The following SOX5 variants were observed in gnomAD, a reference collection of about 807,000 sequenced individuals.
SOX5 encodes transcription factor SOX-5.
In SOX5, 9 loss-of-function variants were observed where a neutral mutation model predicts 92.0. That is an observed-to-expected ratio of 0.10 (90% CI 0.06 to 0.17). The LOEUF (loss-of-function observed/expected upper bound fraction) is 0.17, where lower values mean the gene tolerates loss of function less well. Ranked by LOEUF, SOX5 falls within the 10% of genes least tolerant of loss-of-function variation. The pLI is 1.00. For synonymous variants in SOX5, 344 were observed against 336.3 expected, an observed-to-expected ratio of 1.02 and a Z score of -0.25; for missense variants, 642 against 944.5, an observed-to-expected ratio of 0.68 and a Z score of 4.20.
In SOX5 at chr12:23,737,915, A is replaced by ACC. The variant is rs769119224; in HGVS notation, c.741+2951_741+2952insGG. Among the ~76,000 whole-genome samples the ACC allele has an allele frequency of 2.6e-3, 402 of 152,332 alleles. 3 individuals carry two copies. The highest frequency in any genetic ancestry group is 0.01 in the Middle Eastern group (3 of 294). On this transcript the variant is annotated intron_variant, in intron 5 of 14. Coordinates refer to ENST00000451604, the MANE Select transcript of SOX5 (RefSeq NM_006940.6). The stretch of plus-strand genomic sequence containing the variant: ...TTCCCTGAGCACCCATTTTAAAAGA[A>ACC]CATATTCCCATAGATAATACCCTCA...
intron 1 of SOX5, among the ~76,000 whole-genome samples, chr12:23,922,744 G>A (rs1304016524): frequency 2.6e-5 from 4 of 152,176 alleles, no homozygotes; most frequent in Admixed American, 2.6e-4. Context: ...AATTCAATAA[G>A]TACTTCTGTA....
intron 2 of SOX5, among the ~76,000 whole-genome samples, chr12:24,339,166 CA>C (rs1952280652): frequency 8.8e-6 from 1 of 113,106 alleles, no homozygotes. Context: ...CTCTCTGCCA[CA>C]CACACACACA....
intron 2 of SOX5, among the ~76,000 whole-genome samples, chr12:24,316,473 T>C (rs1189836799): frequency 6.6e-6 from 1 of 152,196 alleles, no homozygotes; most frequent in Non-Finnish European, 1.5e-5. Context: ...CGATTTCCCA[T>C]GTACTAGGCA....
intron 1 of SOX5, among the ~76,000 whole-genome samples, chr12:24,560,226 A>C (rs1954199426): frequency 1.3e-5 from 2 of 152,224 alleles, no homozygotes; most frequent in African/African-American, 4.8e-5. Flanking sequence ...TATGTAATTA[A>C]CACAAATAAC....
intron 3 of SOX5, among the ~76,000 whole-genome samples, chr12:23,774,757 T>C (rs998730901): frequency 2.0e-5 from 3 of 152,154 alleles, no homozygotes; most frequent in African/African-American, 7.2e-5. Flanking sequence ...CTCATTCTTG[T>C]AGTCATTTTC....
chr12:23,904,781 A>G (rs371230570), intron 1 of SOX5, among the ~76,000 whole-genome samples: 1 of 152,196 alleles, frequency 6.6e-6, no homozygotes, highest in African/African-American at 2.4e-5. Flanking sequence ...CATTGAGATC[A>G]AGTACTTCGT....
intron 1 of SOX5, among the ~76,000 whole-genome samples, chr12:24,382,774 C>T (rs7299164): frequency 6.6e-6 from 1 of 151,656 alleles, no homozygotes; most frequent in Non-Finnish European, 1.5e-5. Context: ...TTTGTTGAGG[C>T]GTTAGATGTA....
intron 3 of SOX5, among the ~76,000 whole-genome samples, chr12:23,791,659 T>C (rs1466526862): frequency 6.6e-6 from 1 of 152,176 alleles, no homozygotes; most frequent in Non-Finnish European, 1.5e-5. Context: ...ACTACCACTT[T>C]AACCAATAAA....
At chr12:24,388,887 G>A (rs1220108306) in intron 1 of SOX5, among the ~76,000 whole-genome samples, 1 of 151,992 alleles carries the variant, frequency 6.6e-6, no homozygotes, top group African/African-American at 2.4e-5. Flanking sequence ...TCTTGTGACT[G>A]GCTTCTTCCA....
At chr12:23,723,130 T>C (rs1232565013) in intron 6 of SOX5, among the ~76,000 whole-genome samples, 1 of 152,062 alleles carries the variant, frequency 6.6e-6, no homozygotes, top group Non-Finnish European at 1.5e-5. Context: ...CATGAAAAGA[T>C]TGCCATAATA....
chr12:23,760,006 A>G (rs907937386), intron 3 of SOX5, among the ~76,000 whole-genome samples: 3 of 151,936 alleles, frequency 2.0e-5, no homozygotes, highest in Non-Finnish European at 2.9e-5. Flanking sequence ...TTTTCATTTT[A>G]AGATGTGTCA....
chr12:23,897,873 G>T (rs2097192994), intron 1 of SOX5, among the ~76,000 whole-genome samples: 2 of 152,154 alleles, frequency 1.3e-5, no homozygotes, highest in African/African-American at 4.8e-5. Context: ...GTCTAAAGGA[G>T]AAGTAGATTT....
intron 2 of SOX5, among the ~76,000 whole-genome samples, chr12:24,361,664 C>G (rs1460855912): frequency 2.0e-5 from 3 of 151,886 alleles, no homozygotes; most frequent in South Asian, 4.1e-4. Context: ...CACGTGCGCA[C>G]ACGCACATGT....
At chr12:23,957,997 C>CT (rs1231607853) in intron 4 of SOX5, among the ~76,000 whole-genome samples, 1 of 151,954 alleles carries the variant, frequency 6.6e-6, no homozygotes, top group Non-Finnish European at 1.5e-5. Flanking sequence ...GTTAATACCC[C>CT]TAAATAAATC....
intron 1 of SOX5, among the ~76,000 whole-genome samples, chr12:24,560,207 G>A (rs1206846376): frequency 2.6e-5 from 4 of 152,126 alleles, no homozygotes. Context: ...TTTCAAGCAA[G>A]TATGCTACTA....
intron 4 of SOX5, among the ~76,000 whole-genome samples, chr12:23,742,792 G>T (rs1161935238): frequency 6.6e-6 from 1 of 152,122 alleles, no homozygotes; most frequent in African/African-American, 2.4e-5. Flanking sequence ...AAGAGTTCGA[G>T]ACCAGACTGG....
intron 4 of SOX5, among the ~76,000 whole-genome samples, chr12:24,152,248 T>TA (rs1260328865): frequency 8.5e-5 from 13 of 152,324 alleles, no homozygotes; most frequent in African/African-American, 2.9e-4. Context: ...ATTAATTAGT[T>TA]AAAAGCATAT....
chr12:24,118,026 A>G (rs1948221257), intron 4 of SOX5, among the ~76,000 whole-genome samples: 1 of 149,868 alleles, frequency 6.7e-6, no homozygotes, highest in African/African-American at 2.5e-5. Flanking sequence ...TTCAAAAAAA[A>G]AAAAAAAAAA....
chr12:23,958,350 C>A (rs1946511004), intron 4 of SOX5, among the ~76,000 whole-genome samples: 1 of 151,916 alleles, frequency 6.6e-6, no homozygotes, highest in Non-Finnish European at 1.5e-5. Flanking sequence ...CTTTTCTGGG[C>A]AGAGTACTCT....
Sources: allele counts gnomAD v4.1 joint callset (sites outside exome capture counted in the v4.1 genomes callset), GRCh38; gene constraint gnomAD v4.1.1; transcripts MANE v1.5; gene names NCBI Gene and HGNC (gene_info 2026-07-23, HGNC 2026-07-21).